The following SCAF8 variants were observed in gnomAD, a reference collection of about 807,000 sequenced individuals.
SCAF8 encodes SR-related and CTD-associated factor 8.
Under a neutral mutation model 140.5 loss-of-function variants are expected in SCAF8, and 23 were observed. The ratio of observed to expected loss-of-function variants is 0.16; its 90% CI spans 0.12 to 0.23. The LOEUF (loss-of-function observed/expected upper bound fraction) is 0.23, where lower values mean the gene tolerates loss of function less well. SCAF8 is among the 10% of genes least tolerant of loss of function. SCAF8 has a pLI of 1.00. For missense variants in SCAF8, 1,397 were observed against 1,555.7 expected (o/e 0.90, Z 1.72); for synonymous variants, 575 against 528.9 (o/e 1.09, Z -1.20).
chr6:154,817,542 G>C (rs1778289712), intron 13 of SCAF8, among the ~76,000 whole-genome samples: 1 of 152,186 alleles, frequency 6.6e-6, no homozygotes, highest in South Asian at 2.1e-4. Flanking sequence ...AGCTTGAAGA[G>C]AGTAAAGTAT....
At chr6:154,775,536 G>T (rs965457754) in intron 2 of SCAF8, among the ~76,000 whole-genome samples, 1 of 152,138 alleles carries the variant, frequency 6.6e-6, no homozygotes, top group Non-Finnish European at 1.5e-5. Context: ...TGTCAGACGG[G>T]TCTGAGAGAA....
chr6:154,780,247 T>A (rs963656428), intron 3 of SCAF8, among the ~76,000 whole-genome samples: 1 of 152,166 alleles, frequency 6.6e-6, no homozygotes, highest in South Asian at 2.1e-4. Flanking sequence ...CAAAATGTTA[T>A]ATAAATTGAA....
At chr6:154,769,544 T>C (rs1776677129) in intron 1 of SCAF8, among the ~76,000 whole-genome samples, 1 of 152,238 alleles carries the variant, frequency 6.6e-6, no homozygotes, top group Non-Finnish European at 1.5e-5. Flanking sequence ...TAATGGAGAA[T>C]GCCTATCAAA....
At chr6:154,741,939 C>T (rs1778581434) in intron 1 of SCAF8, 2 of 1,521,128 alleles carry the variant, frequency 1.3e-6, no homozygotes, top group East Asian at 2.5e-5. Context: ...ACATCTTTCT[C>T]TACTCCTCTC....
intron 1 of SCAF8, among the ~76,000 whole-genome samples, chr6:154,741,268 T>C (rs1398857368): frequency 6.6e-6 from 1 of 152,192 alleles, no homozygotes; most frequent in Non-Finnish European, 1.5e-5. Flanking sequence ...TAAAAAAATT[T>C]TAGGCATGAT....
At chr6:154,764,703 C>T (rs1032884228) in intron 1 of SCAF8, among the ~76,000 whole-genome samples, 1 of 152,100 alleles carries the variant, frequency 6.6e-6, no homozygotes, top group Non-Finnish European at 1.5e-5. Flanking sequence ...AGAGCCCAAG[C>T]CTTCGCAGCA....
chr6:154,770,828 T>C (rs567536375), intron 1 of SCAF8, among the ~76,000 whole-genome samples: 26 of 152,266 alleles, frequency 1.7e-4, no homozygotes, highest in African/African-American at 6.0e-4. Context: ...CACCGCAACC[T>C]CCATCTCCCA....
chr6:154,746,309 A>T (rs1171689779), intron 1 of SCAF8, among the ~76,000 whole-genome samples: 1 of 152,076 alleles, frequency 6.6e-6, no homozygotes, highest in Non-Finnish European at 1.5e-5. Context: ...GAGTTGTCTT[A>T]TTCTCTAGTG....
At chr6:154,823,896 C>T (rs1778490602) in intron 16 of SCAF8, among the ~76,000 whole-genome samples, 1 of 152,060 alleles carries the variant, frequency 6.6e-6, no homozygotes, top group Non-Finnish European at 1.5e-5. Context: ...TGACATGTTT[C>T]CTAATGGTGG....
intron 16 of SCAF8, 67 bp from the exon 17 acceptor site, chr6:154,824,167 G>T (rs1381547634): frequency 2.7e-6 from 4 of 1,474,646 alleles, no homozygotes. Flanking sequence ...AGAATAATTT[G>T]CCTTTAGTTG....
chr6:154,784,128 T>TAC (rs1217775857), intron 3 of SCAF8, among the ~76,000 whole-genome samples: 17 of 60,590 alleles, frequency 2.8e-4, no homozygotes, highest in African/African-American at 2.6e-3. Context: ...GAGATATATA[T>TAC]ATATATATAT....
intron 5 of SCAF8, among the ~76,000 whole-genome samples, chr6:154,793,294 TA>T (rs1777478073): frequency 6.6e-6 from 1 of 152,132 alleles, no homozygotes; most frequent in Non-Finnish European, 1.5e-5. Context: ...ACTTGGTATT[TA>T]TAGGATACTA....
At position 154,733,850 on chromosome 6, in the gene SCAF8, A is replaced by C; in HGVS notation, c.-51A>C. The C allele has an allele frequency of 6.5e-7, 1 of 1,541,542 alleles. No individual in the cohort carries two copies. The highest frequency in any genetic ancestry group is 1.4e-5 in the African/African-American group (1 of 69,838). ...GCGTCTCGCTCTCCCCACCCAGTGC[A>C]GTGGCCGCCGCCTCTTCCGCCGCCG... On this transcript the variant is annotated 5_prime_UTR_variant, in exon 1 of 20. Transcript: ENST00000367178.
At chr6:154,806,239 C>T (rs1038769422) in intron 9 of SCAF8, among the ~76,000 whole-genome samples, 1 of 152,140 alleles carries the variant, frequency 6.6e-6, no homozygotes, top group South Asian at 2.1e-4. Context: ...CACCTTAGAA[C>T]TGATAAAATA....
In SCAF8 at chr6:154,733,524, A is replaced by G; in HGVS notation, c.-377A>G. 2.3e-6 allele frequency: 3 copies of G among 1,306,360 alleles called. No homozygotes were observed. The highest frequency in any genetic ancestry group is 2.9e-6 in the Non-Finnish European group (3 of 1,027,956). The allele number at this position is 1,306,360 out of a possible 1,614,324, so 80.9% of individuals were successfully genotyped here. On this transcript the variant is annotated 5_prime_UTR_variant, in exon 1 of 20. Coordinates refer to ENST00000367178, the MANE Select transcript of SCAF8 (RefSeq NM_014892.5). Reference sequence around the variant, plus strand: ...GGGAGGTGAAACAGGAGCCCGTCGGAGGAAGGGGCAGAAGGGAGTGGAGAG... The same window carrying G: ...GGGAGGTGAAACAGGAGCCCGTCGGGGGAAGGGGCAGAAGGGAGTGGAGAG...
At chr6:154,755,638 A>G (rs1027783278) in intron 1 of SCAF8, among the ~76,000 whole-genome samples, 2 of 152,212 alleles carry the variant, frequency 1.3e-5, no homozygotes, top group African/African-American at 2.4e-5. Context: ...TCAGCTGTAC[A>G]GGTTCCTGAG....
chr6:154,808,088 C>A lies in SCAF8; in HGVS notation c.1000C>A (p.Gln334Lys). Residue 334 changes from glutamine (Q) to lysine (K), a missense_variant, in exon 10 of 20, where the codon CAG (glutamine) becomes AAG (lysine). By Grantham distance (53) the Gln-to-Lys change is moderately conservative. This residue lies in a region of SCAF8 where 339 missense variants were observed against 407.5 expected (regional missense o/e 0.83). Coordinates refer to ENST00000367178, the MANE Select transcript of SCAF8 (RefSeq NM_014892.5). ...TCAATAGGCCACTCCTCAGGATAGT[C>A]AGGAAGGAACCTTTGGGTCAGAGCA... is the stretch of plus-strand genomic sequence containing the variant. ...QPQKATPQDSQEGTFGSEHSA... is the reference protein window; with the variant it reads ...QPQKATPQDSKEGTFGSEHSA... The A allele has an allele frequency of 6.2e-7, 1 of 1,613,838 alleles. No homozygotes were observed. The highest frequency in any genetic ancestry group is 1.1e-5 in the South Asian group (1 of 91,030).
intron 1 of SCAF8, among the ~76,000 whole-genome samples, chr6:154,758,333 TTC>T (rs1779017080): frequency 6.6e-6 from 1 of 152,196 alleles, no homozygotes; most frequent in African/African-American, 2.4e-5. Flanking sequence ...AGGATGCGAG[TTC>T]TGTCTTGCCT....
At chr6:154,777,188 A>G (rs79361656) in intron 2 of SCAF8, among the ~76,000 whole-genome samples, 3,425 of 144,386 alleles carry the variant, frequency 0.024, 110 homozygotes, top group African/African-American at 0.075. Context: ...CTCCAAGGGG[A>G]AAAAAAAAAA....
Sources: allele counts gnomAD v4.1 joint callset (sites outside exome capture counted in the v4.1 genomes callset), GRCh38; gene constraint gnomAD v4.1.1; regional missense constraint gnomAD v4.1.1; transcripts MANE v1.5; gene names NCBI Gene and HGNC (gene_info 2026-07-23, HGNC 2026-07-21).